Variants in DSCAM observed in about 807,000 individuals in gnomAD.
DSCAM encodes the protein cell adhesion molecule DSCAM.
In DSCAM, 47 loss-of-function variants were observed where a neutral mutation model predicts 217.7. The observed-to-expected ratio is 0.22, with a 90% CI of 0.17 to 0.28. The LOEUF is 0.28. Ranked by LOEUF, DSCAM falls within the 10% of genes least tolerant of loss-of-function variation. DSCAM has a pLI of 1.00. For synonymous variants in DSCAM, 1,056 were observed against 1,015.3 expected (o/e 1.04, Z -0.76); for missense variants, 2,080 against 2,618.3 (o/e 0.79, Z 4.49).
At chr21:40,489,774 CA>C (rs35247505) in intron 3 of DSCAM, among the ~76,000 whole-genome samples, 40 of 47,180 alleles carry the variant, frequency 8.5e-4, no homozygotes, top group South Asian at 3.0e-3. Context: ...GACTCCGTCT[CA>C]AAAAAAAAAA....
chr21:40,596,098 G>A lies in DSCAM; in HGVS notation c.508+96712C>T, dbSNP rs182170870. Among the ~76,000 whole-genome samples, 149 of 152,322 alleles carry A rather than the reference G, an allele frequency of 9.8e-4. 2 individuals are homozygous for A. The Middle Eastern group carries it at 0.01, about 10-fold the overall frequency. The stretch of plus-strand genomic sequence containing the variant: ...CAGTGGTTTGCTGAGCCCATGCTCT[G>A]GGGGTAAGCCTTAAAATGGCACATG... On this transcript the variant is annotated intron_variant, in intron 3 of 32. Coordinates refer to ENST00000400454, the MANE Select transcript of DSCAM (RefSeq NM_001389.5).
intron 16 of DSCAM, among the ~76,000 whole-genome samples, chr21:40,161,776 C>T (rs747084906): frequency 1.5e-4 from 23 of 152,098 alleles, no homozygotes; most frequent in Non-Finnish European, 2.5e-4. Flanking sequence ...AATGCTAGAA[C>T]CAATGGATTA....
chr21:40,757,743 C>T (rs568650060), intron 1 of DSCAM, among the ~76,000 whole-genome samples: 12 of 152,332 alleles, frequency 7.9e-5, no homozygotes, highest in African/African-American at 2.6e-4. Flanking sequence ...GCTGCCCCCA[C>T]AGAATCATGA....
At chr21:40,105,349 C>A (rs2089805474) in intron 20 of DSCAM, among the ~76,000 whole-genome samples, 1 of 152,108 alleles carries the variant, frequency 6.6e-6, no homozygotes, top group Non-Finnish European at 1.5e-5. Context: ...TGTGTCCCCA[C>A]CCAAATCTCA....
At chr21:40,514,600 C>T (rs530882693) in intron 3 of DSCAM, among the ~76,000 whole-genome samples, 1 of 152,316 alleles carries the variant, frequency 6.6e-6, no homozygotes, top group East Asian at 1.9e-4. Context: ...TCTGCAGCAA[C>T]ATCTAATGGT....
chr21:40,469,377 G>A (rs1021179899), intron 3 of DSCAM, among the ~76,000 whole-genome samples: 3 of 152,132 alleles, frequency 2.0e-5, no homozygotes, highest in African/African-American at 7.2e-5. Flanking sequence ...GCATAGGGGA[G>A]ACATGAGAAG....
chr21:40,677,650 GAAACCT>G (rs1399237824), intron 3 of DSCAM, among the ~76,000 whole-genome samples: 1 of 152,110 alleles, frequency 6.6e-6, no homozygotes, highest in African/African-American at 2.4e-5. Flanking sequence ...TTCATATGTT[GAAACCT>G]AAACCTCAAT....
chr21:40,305,936 G>A (rs992247589), intron 9 of DSCAM, among the ~76,000 whole-genome samples: 1 of 152,078 alleles, frequency 6.6e-6, no homozygotes, highest in Non-Finnish European at 1.5e-5. Flanking sequence ...CTCTTTTTTT[G>A]TGCCACATGA....
intron 3 of DSCAM, among the ~76,000 whole-genome samples, chr21:40,546,616 T>C (rs1331346743): frequency 6.6e-6 from 1 of 152,238 alleles, no homozygotes; most frequent in African/African-American, 2.4e-5. Context: ...CCCTAGTCCA[T>C]GCATGGACCT....
intron 18 of DSCAM, among the ~76,000 whole-genome samples, chr21:40,137,178 GAAAAA>G (rs34652896): frequency 2.8e-3 from 179 of 64,512 alleles, no homozygotes; most frequent in African/African-American, 0.011. Flanking sequence ...CTGTCTCAAG[GAAAAA>G]AAAAAAAAAA....
intron 4 of DSCAM, among the ~76,000 whole-genome samples, chr21:40,361,668 G>C (rs895831366): frequency 4.6e-5 from 7 of 151,976 alleles, no homozygotes; most frequent in African/African-American, 1.7e-4. Context: ...AAAAAGGGAA[G>C]CTATGTCATT....
intron 19 of DSCAM, among the ~76,000 whole-genome samples, chr21:40,129,276 G>A (rs534470413): frequency 3.9e-5 from 6 of 152,318 alleles, no homozygotes; most frequent in Admixed American, 3.9e-4. Context: ...CACATTCACA[G>A]CTGTCATCCC....
chr21:40,475,894 T>C (rs145882177), intron 3 of DSCAM, among the ~76,000 whole-genome samples: 116 of 152,258 alleles, frequency 7.6e-4, no homozygotes, highest in African/African-American at 2.5e-3. Context: ...TTTGAGTAGT[T>C]TCAAGTTTCT....
At chr21:40,637,820 G>A (rs567180952) in intron 3 of DSCAM, among the ~76,000 whole-genome samples, 4 of 149,920 alleles carry the variant, frequency 2.7e-5, no homozygotes, top group South Asian at 2.1e-4. Flanking sequence ...CTACAGGTGC[G>A]CACCACCACG....
At chr21:40,673,812 T>C (rs912157552) in intron 3 of DSCAM, among the ~76,000 whole-genome samples, 1 of 152,166 alleles carries the variant, frequency 6.6e-6, no homozygotes, top group Non-Finnish European at 1.5e-5. Flanking sequence ...ACTTCCACCA[T>C]GAGTAAAAGC....
chr21:40,404,420 A>G (rs1314416061), intron 3 of DSCAM, among the ~76,000 whole-genome samples: 1 of 152,206 alleles, frequency 6.6e-6, no homozygotes, highest in Non-Finnish European at 1.5e-5. Flanking sequence ...GTTATAAACA[A>G]TTGTGTGTTC....
chr21:40,063,394 TA>T (rs1386135231), intron 27 of DSCAM, among the ~76,000 whole-genome samples: 2 of 151,986 alleles, frequency 1.3e-5, no homozygotes, highest in African/African-American at 2.4e-5. Flanking sequence ...ATTCAGAAAT[TA>T]AAAAAACTTT....
chr21:40,650,672 T>A lies in DSCAM; in HGVS notation c.508+42138A>T, dbSNP rs568024875. Among the ~76,000 whole-genome samples the A allele has an allele frequency of 6.6e-5, 10 of 152,312 alleles. No individual in the cohort carries two copies. The South Asian group carries it at 2.1e-3, about 32-fold the overall frequency. ...GGCTCACGCCTGTAATCCCAGCACT[T>A]TGGGAGGCCAAGGCGGGCGGATCAT... is the stretch of plus-strand genomic sequence containing the variant. On this transcript the variant is annotated intron_variant, in intron 3 of 32. Transcript: ENST00000400454.
At chr21:40,758,556 G>A (rs1348017743) in intron 1 of DSCAM, among the ~76,000 whole-genome samples, 2 of 151,496 alleles carry the variant, frequency 1.3e-5, no homozygotes, top group African/African-American at 4.9e-5. Context: ...AGATACAGAG[G>A]ACAGGAGGTG....
Sources: allele counts gnomAD v4.1 joint callset (sites outside exome capture counted in the v4.1 genomes callset), GRCh38; gene constraint gnomAD v4.1.1; transcripts MANE v1.5; gene names NCBI Gene and HGNC (gene_info 2026-07-23, HGNC 2026-07-21).